Variants in TSHZ2 observed in about 807,000 individuals in gnomAD.
The protein encoded by TSHZ2 is teashirt zinc finger homeobox 2.
TSHZ2 carries 21 observed loss-of-function variants against 74.4 expected under a neutral mutation model. That is an observed-to-expected ratio of 0.28 (90% CI 0.20 to 0.41). The LOEUF (loss-of-function observed/expected upper bound fraction) is 0.41. Among genes scored for constraint, TSHZ2 ranks in the 10% least tolerant of loss-of-function variants. The pLI, the probability that TSHZ2 is intolerant of heterozygous loss-of-function variation, is 1.00. For missense variants in TSHZ2, 1,244 were observed against 1,293.5 expected (o/e 0.96, Z 0.59); for synonymous variants, 540 against 515.3 (o/e 1.05, Z -0.65).
intron 1 of TSHZ2, among the ~76,000 whole-genome samples, chr20:53,068,960 TAAAA>T (rs200109716): frequency 6.8e-6 from 1 of 147,184 alleles, no homozygotes; most frequent in Non-Finnish European, 1.5e-5. Context: ...TTTCTTAAAA[TAAAA>T]AAAAAGGTAG....
intron 1 of TSHZ2, among the ~76,000 whole-genome samples, chr20:53,226,978 T>C (rs1600753285): frequency 6.6e-6 from 1 of 152,190 alleles, no homozygotes; most frequent in African/African-American, 2.4e-5. Context: ...TGAGTTTTTG[T>C]GGTCACGGAA....
At chr20:53,271,371 T>G (rs1290381087) in intron 2 of TSHZ2, among the ~76,000 whole-genome samples, 1 of 152,182 alleles carries the variant, frequency 6.6e-6, no homozygotes, top group Non-Finnish European at 1.5e-5. Context: ...TAAAATTAAA[T>G]ACAACCCACT....
rs1222618733 is a variant in TSHZ2 at position 53,475,007 on chromosome 20, G to A, written c.*9-12137G>A. ...ATACAGGAGCACCCAGATTCATAAA[G>A]CAAGTTCTGAGTGACCTACAAAGAG... On this transcript the variant is annotated intron_variant, in intron 2 of 2. Coordinates refer to ENST00000371497, the MANE Select transcript of TSHZ2 (RefSeq NM_173485.6). 2.1e-4 allele frequency among the ~76,000 whole-genome samples: 29 copies of A among 138,590 alleles called. 5 individuals carry two copies. The South Asian group carries it at 6.8e-3, about 32-fold the overall frequency. The allele number at this position is 138,590 out of a possible 152,430, so 90.9% of individuals were successfully genotyped here. A position where few individuals can be genotyped will look rare whatever the true frequency, so the allele number is the denominator to read the frequency against.
intron 1 of TSHZ2, among the ~76,000 whole-genome samples, chr20:53,160,745 C>CAAA (rs10653039): frequency 0.018 from 1,747 of 95,724 alleles, 45 homozygotes; most frequent in South Asian, 0.048. Context: ...ACTCTGTCTC[C>CAAA]AAAAAAAAAA....
intron 1 of TSHZ2, among the ~76,000 whole-genome samples, chr20:53,008,268 G>A (rs1413884143): frequency 6.6e-6 from 1 of 152,148 alleles, no homozygotes; most frequent in African/African-American, 2.4e-5. Context: ...ATGGTTAATT[G>A]GGTAATTGGG....
intron 1 of TSHZ2, among the ~76,000 whole-genome samples, chr20:53,169,689 C>A (rs1182252974): frequency 1.3e-5 from 2 of 152,144 alleles, no homozygotes; most frequent in African/African-American, 4.8e-5. Context: ...TTCCCCCTCC[C>A]CTTTTTAAAC....
At chr20:52,973,414 G>T in intron 1 of TSHZ2, 81 bp downstream of exon 1, 1 of 1,524,830 alleles carries the variant, frequency 6.6e-7, no homozygotes, top group Non-Finnish European at 8.9e-7. Context: ...GTGCCCGGGG[G>T]CACCACCCAC....
At position 53,479,169 on chromosome 20, in the gene TSHZ2, TA is replaced by T. The variant is rs71194483; in HGVS notation, c.*9-7956del. Among the ~76,000 whole-genome samples the T allele has an allele frequency of 6.6e-3, 839 of 126,218 alleles. 1 individual carries two copies. Among genetic ancestry groups the T allele is most frequent in the Middle Eastern group, 0.012 (3 of 244 alleles). 82.8% of individuals were successfully genotyped at this position (126,218 alleles called of 152,430 possible). ...AACAGGGCAAGACTCTGTCTCAATT[TA>T]AAAAAAAAAAAAAAAAAAGGAGAAA... On this transcript the variant is annotated intron_variant, in intron 2 of 2. Coordinates refer to ENST00000371497, the MANE Select transcript of TSHZ2 (RefSeq NM_173485.6).
chr20:53,169,343 A>G (rs1988135664), intron 1 of TSHZ2, among the ~76,000 whole-genome samples: 1 of 152,124 alleles, frequency 6.6e-6, no homozygotes, highest in South Asian at 2.1e-4. Flanking sequence ...TCTCAACGTC[A>G]TTGCTCCAGC....
In TSHZ2 at chr20:53,309,317, T is replaced by C. The variant is rs144106511; in HGVS notation, c.*8+52746T>C. ...GGCTGAAGATGTGAGAATTTTAGGA[T>C]ATTAGCTCTTGTTTCTGCCCTCCCA... On this transcript the variant is annotated intron_variant, in intron 2 of 2. Coordinates refer to ENST00000371497, the MANE Select transcript of TSHZ2 (RefSeq NM_173485.6). Among the ~76,000 whole-genome samples the C allele has an allele frequency of 5.3e-4, 80 of 152,306 alleles. 1 individual carries two copies. The East Asian group carries it at 0.015, about 29-fold the overall frequency.
chr20:53,302,392 A>G (rs1396008803), intron 2 of TSHZ2, among the ~76,000 whole-genome samples: 1 of 152,210 alleles, frequency 6.6e-6, no homozygotes, highest in Non-Finnish European at 1.5e-5. Flanking sequence ...TCTGGATTTC[A>G]TCGAACCTTG....
At chr20:53,316,142 C>T (rs765720790) in intron 2 of TSHZ2, among the ~76,000 whole-genome samples, 2 of 152,190 alleles carry the variant, frequency 1.3e-5, no homozygotes, top group Admixed American at 1.3e-4. Context: ...TACTCAAACT[C>T]TTTGAGTCTT....
chr20:53,227,525 C>T (rs1989712991), intron 1 of TSHZ2, among the ~76,000 whole-genome samples: 4 of 151,216 alleles, frequency 2.6e-5, no homozygotes, highest in Admixed American at 2.6e-4. Flanking sequence ...ATTAAATGAC[C>T]TATCAGAGTG....
intron 1 of TSHZ2, among the ~76,000 whole-genome samples, chr20:53,063,284 C>A (rs1984877426): frequency 6.6e-6 from 1 of 152,046 alleles, no homozygotes; most frequent in African/African-American, 2.4e-5. Context: ...TAAAATGAAG[C>A]ACATTAAACC....
rs1039976963 is a variant in TSHZ2, at chr20:53,488,655, G to C, written c.*1520G>C. The C allele has an allele frequency of 3.7e-6, 1 of 271,584 alleles. No homozygotes were observed. The highest frequency in any genetic ancestry group is 7.1e-6 in the Non-Finnish European group (1 of 140,504). The allele number at this position is 271,584 out of a possible 1,614,324, so 16.8% of individuals were successfully genotyped here. A position where few individuals can be genotyped will look rare whatever the true frequency, so the allele number is the denominator to read the frequency against. The stretch of plus-strand genomic sequence containing the variant: ...ATTCTAGGCACAACACTAGGAACTA[G>C]GTGATTCTGAAACAAAAGGAATATT... On this transcript the variant is annotated 3_prime_UTR_variant, in exon 3 of 3. Transcript: ENST00000371497.
chr20:53,124,892 A>G lies in TSHZ2; in HGVS notation c.41-128607A>G, dbSNP rs537394754. On this transcript the variant is annotated intron_variant, in intron 1 of 2. Transcript: ENST00000371497. ...AAACTTTTTCTGTAAAGGGCCAAATAGTAAATATTTTAGGCTTTGCAGACC... is the reference window on the plus strand; with the variant it reads ...AAACTTTTTCTGTAAAGGGCCAAATGGTAAATATTTTAGGCTTTGCAGACC... Among the ~76,000 whole-genome samples the G allele has an allele frequency of 7.9e-5, 12 of 152,338 alleles. No homozygotes were observed. In the East Asian group the frequency reaches 1.9e-3, roughly 25 times the overall value.
chr20:53,093,581 G>A (rs1355351482), intron 1 of TSHZ2, among the ~76,000 whole-genome samples: 1 of 152,160 alleles, frequency 6.6e-6, no homozygotes, highest in Non-Finnish European at 1.5e-5. Context: ...TTTCCAGAAT[G>A]TTCTTTCTTT....
At position 52,990,966 on chromosome 20, in the gene TSHZ2, T is replaced by C. The variant is rs150065617; in HGVS notation, c.40+17633T>C. ...GGTTACACTGTATGTATATTTTGAT[T>C]GTGTATTTCTGCTGTAGGTCTCTTT... On this transcript the variant is annotated intron_variant, in intron 1 of 2. Coordinates refer to ENST00000371497, the MANE Select transcript of TSHZ2 (RefSeq NM_173485.6). 3.2e-3 allele frequency among the ~76,000 whole-genome samples: 495 copies of C among 152,320 alleles called. 1 individual carries two copies. Among genetic ancestry groups the C allele is most frequent in the Non-Finnish European group, 5.6e-3 (382 of 68,034 alleles).
intron 2 of TSHZ2, among the ~76,000 whole-genome samples, chr20:53,313,103 A>C (rs555415329): frequency 6.6e-6 from 1 of 152,266 alleles, no homozygotes; most frequent in Non-Finnish European, 1.5e-5. Context: ...ACTTAAGCTC[A>C]GATTTAGACA....
Sources: gnomAD v4.1 joint callset for allele counts (sites outside exome capture counted in the v4.1 genomes callset) on GRCh38, gnomAD v4.1.1 for gene constraint, MANE v1.5 for transcripts, NCBI Gene and HGNC (gene_info 2026-07-23, HGNC 2026-07-21) for gene names.